The following SLAMF9 variants were observed in gnomAD, a reference collection of about 807,000 sequenced individuals.
SLAMF9 encodes SLAM family member 9.
Under a neutral mutation model 30.4 loss-of-function variants are expected in SLAMF9, and 25 were observed. The observed-to-expected ratio is 0.82, with a 90% CI of 0.60 to 1.15. The LOEUF is 1.15. Ranked by LOEUF, SLAMF9 falls within the 50% of genes most tolerant of loss-of-function variation. SLAMF9 has a pLI of 0.00. For missense variants in SLAMF9, 344 were observed against 346.1 expected (o/e 0.99, Z 0.05); for synonymous variants, 129 against 127.2 (o/e 1.01, Z -0.09).
At chr1:159,964,828 T>C in the SLAMF9 span, among the ~76,000 whole-genome samples, 1 of 152,232 alleles carries the variant, frequency 6.6e-6, no homozygotes, top group African/African-American at 2.4e-5. Flanking sequence ...TGTATTTGTA[T>C]TCCTTTGCTG....
At chr1:159,974,849 C>T in the SLAMF9 span, among the ~76,000 whole-genome samples, 1 of 152,164 alleles carries the variant, frequency 6.6e-6, no homozygotes, top group Non-Finnish European at 1.5e-5. Context: ...GGAAGAGTTC[C>T]CTTCTCATTC....
the SLAMF9 span, chr1:159,983,617 A>G: frequency 6.6e-6 from 1 of 152,234 alleles, no homozygotes; most frequent in Non-Finnish European, 1.5e-5. Context: ...GTTAGGAAGG[A>G]AACAACTTGC....
rs138732277 is a variant in SLAMF9 at position 159,953,560 on chromosome 1, T to C, written c.140A>G (p.Asp47Gly). 27 of 1,614,092 alleles carry C rather than the reference T, an allele frequency of 1.7e-5. No individual in the cohort carries two copies. In the African/African-American group the frequency reaches 3.5e-4, roughly 21 times the overall value. ...SISLPLEIPP[D>G]EEVENIIWSS... ...CCAGATGATGTTCTCAACCTCTTCA[T>C]CTGGTGGTATTTCCAGGGGGAGGCT... Residue 47 changes from aspartate (D) to glycine (G), a missense_variant, in exon 2 of 4, where the codon GAT becomes GGT. Physicochemically the swap from Asp to Gly is moderately conservative, Grantham distance 94. Transcript: ENST00000368093.
the SLAMF9 span, among the ~76,000 whole-genome samples, chr1:159,982,559 C>T: frequency 4.4e-4 from 67 of 152,280 alleles, no homozygotes; most frequent in Middle Eastern, 3.4e-3. Context: ...CTATTTTTAG[C>T]ACTTACTAAT....
rs746717047 is a variant in SLAMF9 at position 159,953,317 on chromosome 1, C to T, written c.383G>A (p.Cys128Tyr). The T allele has an allele frequency of 6.2e-7, 1 of 1,601,652 alleles. No homozygotes were observed. The highest frequency in any genetic ancestry group is 8.6e-7 in the Non-Finnish European group (1 of 1,169,582). ...QISTMQQYNI[C>Y]VYRWLSEPQI... ...TCCCAGCCTAAACTCACGGTAGACA[C>T]ATATATTGTACTGCTGCATGGTAGA... Residue 128 changes from cysteine (C) to tyrosine (Y), a missense_variant, in exon 2 of 4, where the codon TGT (cysteine) becomes TAT (tyrosine). Coordinates refer to ENST00000368093, the MANE Select transcript of SLAMF9 (RefSeq NM_033438.4).
In SLAMF9 at chr1:159,952,281, A is replaced by G. The variant is rs1651773130; in HGVS notation, c.645T>C (p.Pro215=). The part of the protein sequence containing the change: ...PISNVSSCPI[P]DGPFYADPNY... ...TGGTACCTGCATAGAAGGGCCCATC[A>G]GGGATGGGGCAAGAACTGACGTTGC... Residue 215 remains proline, a synonymous_variant, in exon 3 of 4, where the codon CCT becomes CCC. Coordinates refer to ENST00000368093, the MANE Select transcript of SLAMF9 (RefSeq NM_033438.4). 1.2e-6 allele frequency: 2 copies of G among 1,613,930 alleles called. No homozygotes were observed. Among genetic ancestry groups the G allele is most frequent in the Non-Finnish European group, 1.7e-6 (2 of 1,179,996 alleles).
At chr1:159,955,005 G>C (rs1195670630), upstream of SLAMF9, among the ~76,000 whole-genome samples, 2 of 151,408 alleles carry the variant, frequency 1.3e-5, no homozygotes, top group East Asian at 3.9e-4. Flanking sequence ...TTGAACCCAG[G>C]AGGTGGAGGT....
the SLAMF9 span, among the ~76,000 whole-genome samples, chr1:159,981,176 T>C: frequency 2.0e-5 from 3 of 152,084 alleles, no homozygotes; most frequent in Non-Finnish European, 4.4e-5. Context: ...TGGGCCCTAA[T>C]CCATTCTGAT....
chr1:159,971,546 C>A, the SLAMF9 span, among the ~76,000 whole-genome samples: 1 of 152,012 alleles, frequency 6.6e-6, no homozygotes, highest in Non-Finnish European at 1.5e-5. Flanking sequence ...GAGCTGGTAC[C>A]CTGGGTTGGA....
the SLAMF9 span, chr1:159,972,850 A>G: frequency 1.0e-6 from 1 of 954,986 alleles, no homozygotes; most frequent in Non-Finnish European, 1.4e-6. Context: ...GCTGGGACAC[A>G]CATGGGATGG....
chr1:159,958,679 G>T (rs1327071236), upstream of SLAMF9, among the ~76,000 whole-genome samples: 1 of 151,974 alleles, frequency 6.6e-6, no homozygotes, highest in Non-Finnish European at 1.5e-5. Flanking sequence ...TGCCCAAGCT[G>T]GTCTTAAACT....
chr1:159,965,344 G>C, the SLAMF9 span, among the ~76,000 whole-genome samples: 2 of 152,190 alleles, frequency 1.3e-5, no homozygotes, highest in Non-Finnish European at 2.9e-5. Flanking sequence ...GATCAAATAG[G>C]CCAGTTGCAG....
upstream of SLAMF9, among the ~76,000 whole-genome samples, chr1:159,957,077 G>A (rs146688208): frequency 4.0e-3 from 529 of 132,978 alleles, 6 homozygotes; most frequent in African/African-American, 0.014. Flanking sequence ...AGCCGAGATC[G>A]TGCCACTGCA....
chr1:159,956,478 C>A (rs946079445), upstream of SLAMF9, among the ~76,000 whole-genome samples: 3 of 151,746 alleles, frequency 2.0e-5, no homozygotes, highest in African/African-American at 7.3e-5. Context: ...CTACTCCCAG[C>A]CAGGGGTAAG....
At chr1:159,957,123 AAAAAAAAAAAAAAAGAC>A (rs1369800402), upstream of SLAMF9, among the ~76,000 whole-genome samples, 5 of 81,140 alleles carry the variant, frequency 6.2e-5, no homozygotes, top group East Asian at 5.5e-4. Flanking sequence ...CTCTGTCTCA[AAAAAAAAAAAAAAAGAC>A]AAAAAAAAAA....
the SLAMF9 span, among the ~76,000 whole-genome samples, chr1:159,971,915 G>A: frequency 1.3e-5 from 2 of 152,070 alleles, no homozygotes; most frequent in African/African-American, 4.8e-5. Context: ...GCCTGTGATT[G>A]TCCCCTTACC....
chr1:159,966,026 G>A, the SLAMF9 span, among the ~76,000 whole-genome samples: 1 of 152,062 alleles, frequency 6.6e-6, no homozygotes, highest in African/African-American at 2.4e-5. Context: ...ATTGATTACA[G>A]TCATCCTGCT....
rs747317951 is a variant in SLAMF9, at chr1:159,952,407, C to T, written c.519G>A (p.Gly173=). 1 of 1,613,952 alleles carries T rather than the reference C, an allele frequency of 6.2e-7. No individual in the cohort carries two copies. The highest frequency in any genetic ancestry group is 8.5e-7 in the Non-Finnish European group (1 of 1,179,998). The change falls in exon 3 of 4, where the codon GGG becomes GGA. Residue 173 remains glycine, a synonymous_variant. Coordinates refer to ENST00000368093, the MANE Select transcript of SLAMF9 (RefSeq NM_033438.4). ...CTTCATGGAATGTATAAGTGCTATC[C>T]CCCCGGGAGAGCCAGCTGTAGGTCA... The part of the protein sequence containing the change: ...MDMTYSWLSR[G]DSTYTFHEGP...
the SLAMF9 span, among the ~76,000 whole-genome samples, chr1:159,968,980 T>G: frequency 1.3e-5 from 2 of 151,932 alleles, no homozygotes; most frequent in Non-Finnish European, 1.5e-5. Flanking sequence ...TTGTAGAGGT[T>G]GCAGTGAGCT....
Sources: allele counts gnomAD v4.1 joint callset (sites outside exome capture counted in the v4.1 genomes callset), GRCh38; gene constraint gnomAD v4.1.1; transcripts MANE v1.5; gene names NCBI Gene and HGNC (gene_info 2026-07-23, HGNC 2026-07-21).